The following MAPK10 variants were observed in gnomAD, a reference collection of about 807,000 sequenced individuals.
MAPK10 encodes JNK3 alpha protein kinase.
A neutral mutation model predicts 59.3 loss-of-function variants in MAPK10; 25 were observed. That is an observed-to-expected ratio of 0.42 (90% CI 0.31 to 0.59). The LOEUF (loss-of-function observed/expected upper bound fraction) is 0.59, where lower values mean the gene tolerates loss of function less well. MAPK10 is among the 20% of genes least tolerant of loss of function. MAPK10 has a pLI of 0.15. For missense variants in MAPK10, 351 were observed against 568.9 expected (o/e 0.62, Z 3.90); for synonymous variants, 190 against 200.5 (o/e 0.95, Z 0.44).
chr4:86,044,685 T>C (rs993907765), intron 11 of MAPK10: 27 of 397,262 alleles, frequency 6.8e-5, no homozygotes, highest in Admixed American at 1.3e-4. Context: ...TTGTGTCTCA[T>C]AATCAAATGC....
At chr4:86,148,510 A>G (rs1353316848) in intron 4 of MAPK10, among the ~76,000 whole-genome samples, 3 of 152,184 alleles carry the variant, frequency 2.0e-5, no homozygotes, top group African/African-American at 4.8e-5. Flanking sequence ...GGGGAAAGGG[A>G]TATCAGTTAA....
Position 86,013,782 on chromosome 4 carries a change from T to C in MAPK10, c.*3446A>G, listed in dbSNP as rs1407329679. The stretch of plus-strand genomic sequence containing the variant: ...CTTCTTAACCCTCAATTAAATAGCT[T>C]ACTCCAATTGGTGGGAACTGGCCAG... On this transcript the variant is annotated 3_prime_UTR_variant, in exon 14 of 14. Coordinates refer to ENST00000641462, the MANE Select transcript of MAPK10 (RefSeq NM_138982.4). 1 of 152,168 alleles carries C rather than the reference T, an allele frequency of 6.6e-6. No homozygotes were observed. The highest frequency in any genetic ancestry group is 1.5e-5 in the Non-Finnish European group (1 of 68,036). 9.4% of individuals were successfully genotyped at this position (152,168 alleles called of 1,614,324 possible).
chr4:86,149,558 C>T (rs1419740617), intron 4 of MAPK10, among the ~76,000 whole-genome samples: 2 of 152,192 alleles, frequency 1.3e-5, no homozygotes, highest in African/African-American at 4.8e-5. Context: ...CGAGTCACCG[C>T]ACCCAACCTG....
chr4:86,011,600 A>G lies in MAPK10; in HGVS notation c.*5628T>C, dbSNP rs907323384. The G allele has an allele frequency of 1.3e-5, 2 of 152,222 alleles. No individual in the cohort carries two copies. The highest frequency in any genetic ancestry group is 4.8e-5 in the African/African-American group (2 of 41,466). The allele number at this position is 152,222 out of a possible 1,614,324, so 9.4% of individuals were successfully genotyped here. A position where few individuals can be genotyped will look rare whatever the true frequency, so the allele number is the denominator to read the frequency against. ...AACTCCTTCTGACTCTTTAAGAGCA[A>G]TCATCTTGTGGAATGCAATTTCCCT... is the stretch of plus-strand genomic sequence containing the variant. On this transcript the variant is annotated 3_prime_UTR_variant, in exon 14 of 14. Transcript: ENST00000641462.
intron 3 of MAPK10, among the ~76,000 whole-genome samples, chr4:86,168,109 A>G (rs6844573): frequency 0.085 from 12,909 of 152,310 alleles, 1,215 homozygotes; most frequent in African/African-American, 0.23. Context: ...GAACAGCTCC[A>G]GTCTACAGCT....
intron 1 of MAPK10, among the ~76,000 whole-genome samples, chr4:86,428,402 T>G (rs557048890): frequency 1.9e-4 from 29 of 152,280 alleles, no homozygotes; most frequent in Admixed American, 1.1e-3. Context: ...CAAACAATCC[T>G]CCCACTTTGG....
intron 1 of MAPK10, among the ~76,000 whole-genome samples, chr4:86,450,544 C>A (rs963983990): frequency 6.6e-6 from 1 of 151,958 alleles, no homozygotes; most frequent in Non-Finnish European, 1.5e-5. Context: ...AATTGAAATC[C>A]TTCAATTATC....
chr4:86,030,257 C>T (rs1237245862), intron 12 of MAPK10, among the ~76,000 whole-genome samples: 1 of 152,132 alleles, frequency 6.6e-6, no homozygotes. Flanking sequence ...TATTCACCAA[C>T]ATGACCCTGG....
At chr4:86,547,196 C>G (rs1759266165) in intron 1 of MAPK10, among the ~76,000 whole-genome samples, 1 of 152,272 alleles carries the variant, frequency 6.6e-6, no homozygotes, top group Non-Finnish European at 1.5e-5. Flanking sequence ...CGGCGCCTCC[C>G]CTGCCTGGGT....
At chr4:86,202,040 AATT>A (rs1223814676) in intron 2 of MAPK10, among the ~76,000 whole-genome samples, 1 of 151,946 alleles carries the variant, frequency 6.6e-6, no homozygotes, top group Non-Finnish European at 1.5e-5. Flanking sequence ...TTAAAGAGGC[AATT>A]ATATTTGAAA....
At chr4:86,470,427 T>C (rs565155789) in intron 1 of MAPK10, among the ~76,000 whole-genome samples, 3 of 152,288 alleles carry the variant, frequency 2.0e-5, no homozygotes, top group African/African-American at 7.2e-5. Flanking sequence ...TATTTTAACA[T>C]TTATGTCTTC....
At chr4:86,572,909 A>G (rs1010530595) in intron 1 of MAPK10, among the ~76,000 whole-genome samples, 1 of 152,178 alleles carries the variant, frequency 6.6e-6, no homozygotes, top group Non-Finnish European at 1.5e-5. Context: ...GGTGAATATC[A>G]TGTGTTTATT....
chr4:86,570,488 A>G (rs2149107950), intron 1 of MAPK10, among the ~76,000 whole-genome samples: 1 of 152,244 alleles, frequency 6.6e-6, no homozygotes, highest in Non-Finnish European at 1.5e-5. Context: ...TTTGCCAAAA[A>G]AAAATCATGG....
chr4:86,259,218 G>A (rs1008312637), intron 2 of MAPK10, among the ~76,000 whole-genome samples: 13 of 152,036 alleles, frequency 8.6e-5, no homozygotes, highest in African/African-American at 3.1e-4. Flanking sequence ...CTCAGCCACT[G>A]TCATGATTGA....
chr4:86,591,722 C>A (rs539377823), intron 1 of MAPK10, among the ~76,000 whole-genome samples: 1 of 151,928 alleles, frequency 6.6e-6, no homozygotes, highest in Non-Finnish European at 1.5e-5. Flanking sequence ...TCTTTTATTG[C>A]CTCTAAAAGC....
chr4:86,270,892 T>C lies in MAPK10; in HGVS notation c.-6-76485A>G, dbSNP rs140760864. On this transcript the variant is annotated intron_variant, in intron 2 of 13. Coordinates refer to ENST00000641462, the MANE Select transcript of MAPK10 (RefSeq NM_138982.4). Reference sequence around the variant, plus strand: ...TTTTTATTGTTAGTATTTCTCTAAATGAATATACTATAGTTTATTCACTTC... The same window carrying C: ...TTTTTATTGTTAGTATTTCTCTAAACGAATATACTATAGTTTATTCACTTC... Among the ~76,000 whole-genome samples the C allele has an allele frequency of 4.2e-3, 632 of 152,234 alleles. 5 individuals carry two copies. The highest frequency in any genetic ancestry group is 0.015 in the African/African-American group (612 of 41,572).
intron 1 of MAPK10, among the ~76,000 whole-genome samples, chr4:86,378,211 G>T (rs1286518777): frequency 2.0e-5 from 3 of 152,114 alleles, no homozygotes; most frequent in African/African-American, 7.2e-5. Context: ...ATCATAGCCT[G>T]CCAGGCCCCA....
intron 4 of MAPK10, among the ~76,000 whole-genome samples, chr4:86,128,323 A>C (rs561344963): frequency 1.3e-5 from 2 of 152,156 alleles, no homozygotes; most frequent in South Asian, 4.1e-4. Flanking sequence ...TCTCATCTTG[A>C]ATTGTAGTTC....
chr4:86,472,245 C>T (rs956718586), intron 1 of MAPK10, among the ~76,000 whole-genome samples: 2 of 152,086 alleles, frequency 1.3e-5, no homozygotes, highest in Non-Finnish European at 2.9e-5. Context: ...ATTATGTATT[C>T]TACAATTTTA....
Sources: gnomAD v4.1 joint callset for allele counts (sites outside exome capture counted in the v4.1 genomes callset) on GRCh38, gnomAD v4.1.1 for gene constraint, MANE v1.5 for transcripts, NCBI Gene and HGNC (gene_info 2026-07-23, HGNC 2026-07-21) for gene names.